Variants in ADGRL3 observed in about 807,000 individuals in gnomAD.
ADGRL3 encodes adhesion G protein-coupled receptor L3.
Under a neutral mutation model 153.5 loss-of-function variants are expected in ADGRL3, and 62 were observed. The ratio of observed to expected loss-of-function variants is 0.40; its 90% CI spans 0.33 to 0.50. The LOEUF (loss-of-function observed/expected upper bound fraction) is 0.50, where lower values mean the gene tolerates loss of function less well. Ranked by LOEUF, ADGRL3 falls within the 20% of genes least tolerant of loss-of-function variation. ADGRL3 has a pLI of 0.47. For synonymous variants in ADGRL3, 710 were observed against 672.5 expected, an observed-to-expected ratio of 1.06 and a Z score of -0.86; for missense variants, 1,641 against 1,859.4, an observed-to-expected ratio of 0.88 and a Z score of 2.16.
chr4:62,007,383 TACACACACACAC>T (rs71269038), intron 21 of ADGRL3, among the ~76,000 whole-genome samples: 29 of 30,728 alleles, frequency 9.4e-4, no homozygotes, highest in Middle Eastern at 0.042. Flanking sequence ...TATATATATA[TACACACACACAC>T]ATATATATAT....
Position 61,331,089 on chromosome 4 carries a change from C to T in ADGRL3, c.-239-52035C>T, listed in dbSNP as rs1039817094. ...GGTTCAAGGGGAGGGATCATGTAGA[C>T]TGCTCCTTAGCAGGGACTGTGGAGA... On this transcript the variant is annotated intron_variant, in intron 1 of 26. Transcript: ENST00000683033. 2.0e-5 allele frequency among the ~76,000 whole-genome samples: 3 copies of T among 152,284 alleles called. No individual in the cohort carries two copies. In the East Asian group the frequency reaches 5.8e-4, roughly 29 times the overall value.
At position 61,677,577 on chromosome 4, in the gene ADGRL3, C is replaced by T. The variant is rs556312805; in HGVS notation, c.583+642C>T. ...AAAATGAAACATTTTCTGACTTTCC[C>T]ACTCAAAATAAGAATCACCATCTCA... On this transcript the variant is annotated intron_variant, in intron 6 of 26. Transcript: ENST00000683033. Among the ~76,000 whole-genome samples, 2 of 151,902 alleles carry T rather than the reference C, an allele frequency of 1.3e-5. 1 individual carries two copies. Among genetic ancestry groups the T allele is most frequent in the South Asian group, 4.1e-4 (2 of 4,826 alleles).
chr4:61,243,724 A>G (rs1755896775), intron 1 of ADGRL3, among the ~76,000 whole-genome samples: 1 of 152,042 alleles, frequency 6.6e-6, no homozygotes, highest in Admixed American at 6.6e-5. Context: ...AAAGACATTT[A>G]AAAGGAAGTC....
intron 2 of ADGRL3, among the ~76,000 whole-genome samples, chr4:61,424,784 G>A (rs2097256441): frequency 6.6e-6 from 1 of 152,282 alleles, no homozygotes; most frequent in Admixed American, 6.5e-5. Context: ...CAAGCTGTGT[G>A]CTCTGCAAGG....
chr4:61,635,460 G>C (rs1480275264), intron 5 of ADGRL3, among the ~76,000 whole-genome samples: 1 of 152,070 alleles, frequency 6.6e-6, no homozygotes, highest in African/African-American at 2.4e-5. Context: ...ACCAGGAAAT[G>C]GCCCTATACC....
chr4:61,709,268 A>G lies in ADGRL3; in HGVS notation c.584-21354A>G, dbSNP rs575633792. ...TTTTATTTTAGTCTAATTTATGCATAATTTGATAATTTACTGCTTATTTGA... is the reference window on the plus strand; with the variant it reads ...TTTTATTTTAGTCTAATTTATGCATGATTTGATAATTTACTGCTTATTTGA... On this transcript the variant is annotated intron_variant, in intron 6 of 26. Transcript: ENST00000683033. Among the ~76,000 whole-genome samples the G allele has an allele frequency of 2.0e-5, 3 of 152,268 alleles. No homozygotes were observed. In the South Asian group the frequency reaches 6.2e-4, roughly 32 times the overall value.
At chr4:62,068,248 C>G in intron 26 of ADGRL3, 65 bp downstream of exon 26, 1 of 1,442,070 alleles carries the variant, frequency 6.9e-7, no homozygotes, top group Non-Finnish European at 9.5e-7. Context: ...TTTATTGCAT[C>G]ACATATAGAT....
At chr4:61,836,697 A>G (rs2097941062) in intron 9 of ADGRL3, among the ~76,000 whole-genome samples, 1 of 152,100 alleles carries the variant, frequency 6.6e-6, no homozygotes, top group Non-Finnish European at 1.5e-5. Flanking sequence ...TTCGTTTTAA[A>G]ATGACTGTAT....
intron 9 of ADGRL3, among the ~76,000 whole-genome samples, chr4:61,817,591 GA>G (rs1452157190): frequency 6.6e-6 from 1 of 152,002 alleles, no homozygotes; most frequent in African/African-American, 2.4e-5. Context: ...GTCCCTCAAT[GA>G]AGCTCCTGTC....
intron 25 of ADGRL3, among the ~76,000 whole-genome samples, chr4:62,057,805 G>A (rs1351188339): frequency 2.0e-5 from 3 of 152,072 alleles, no homozygotes; most frequent in Non-Finnish European, 4.4e-5. Context: ...AGCCTCCTGA[G>A]TAGCTGGTAC....
chr4:61,644,832 G>T (rs13063637), intron 5 of ADGRL3, among the ~76,000 whole-genome samples: 4 of 151,930 alleles, frequency 2.6e-5, no homozygotes, highest in Non-Finnish European at 4.4e-5. Flanking sequence ...TCAATTCCTG[G>T]GTATCCTTGT....
In ADGRL3 at chr4:61,819,100, A is replaced by G. The variant is rs542981969; in HGVS notation, c.1480+5211A>G. Among the ~76,000 whole-genome samples, 41 of 152,264 alleles carry G rather than the reference A, an allele frequency of 2.7e-4. 1 individual carries two copies. In the South Asian group the frequency reaches 5.8e-3, roughly 22 times the overall value. ...AATTTATAATTTAAAAATATACTGT[A>G]CACTATTGTTGATATGTATATGCAT... On this transcript the variant is annotated intron_variant, in intron 9 of 26. Coordinates refer to ENST00000683033, the MANE Select transcript of ADGRL3 (RefSeq NM_001387552.1).
intron 11 of ADGRL3, among the ~76,000 whole-genome samples, chr4:61,904,451 T>G (rs1009194011): frequency 2.6e-5 from 4 of 152,142 alleles, no homozygotes; most frequent in African/African-American, 9.7e-5. Context: ...CCTGGCCTTC[T>G]TTATTATCTT....
intron 5 of ADGRL3, among the ~76,000 whole-genome samples, chr4:61,595,108 A>G (rs761804658): frequency 2.0e-5 from 3 of 152,160 alleles, no homozygotes; most frequent in Non-Finnish European, 4.4e-5. Context: ...AATGCTGTCT[A>G]AGAGCCTAGA....
rs1041995501 is a variant in ADGRL3, at chr4:62,078,310, T to G, written c.*7402T>G. 2 of 151,850 alleles carry G rather than the reference T, an allele frequency of 1.3e-5. No homozygotes were observed. Among genetic ancestry groups the G allele is most frequent in the Admixed American group, 1.3e-4 (2 of 15,186 alleles). 9.4% of individuals were successfully genotyped at this position (151,850 alleles called of 1,614,324 possible). On this transcript the variant is annotated 3_prime_UTR_variant, in exon 27 of 27. Coordinates refer to ENST00000683033, the MANE Select transcript of ADGRL3 (RefSeq NM_001387552.1). The stretch of plus-strand genomic sequence containing the variant: ...CATGTAAAGTCATGAGCTACAAACC[T>G]CAATAAAAATATCAGTAAACAAGAA...
intron 21 of ADGRL3, among the ~76,000 whole-genome samples, chr4:62,019,764 A>G (rs1028898882): frequency 2.0e-5 from 3 of 152,140 alleles, no homozygotes; most frequent in Non-Finnish European, 4.4e-5. Context: ...AAGAAAAATG[A>G]CAATGGACAT....
At chr4:62,068,255 A>G in intron 26 of ADGRL3, 72 bp downstream of exon 26, 4 of 1,361,060 alleles carry the variant, frequency 2.9e-6, no homozygotes, top group Non-Finnish European at 4.0e-6. Flanking sequence ...CATCACATAT[A>G]GATGATGTAG....
chr4:61,371,455 G>C (rs1246325971), intron 1 of ADGRL3, among the ~76,000 whole-genome samples: 2 of 151,924 alleles, frequency 1.3e-5, no homozygotes, highest in Non-Finnish European at 2.9e-5. Context: ...GCAGTTGCTT[G>C]TCTGTAAAGT....
intron 2 of ADGRL3, among the ~76,000 whole-genome samples, chr4:61,465,231 T>C (rs2097864845): frequency 6.6e-6 from 1 of 152,166 alleles, no homozygotes; most frequent in Admixed American, 6.6e-5. Context: ...TAAGAAAGTA[T>C]ACAAATACAA....
Sources: allele counts gnomAD v4.1 joint callset (sites outside exome capture counted in the v4.1 genomes callset), GRCh38; gene constraint gnomAD v4.1.1; transcripts MANE v1.5; gene names NCBI Gene and HGNC (gene_info 2026-07-23, HGNC 2026-07-21).